The following MMP20 variants were observed in gnomAD, a reference collection of about 807,000 sequenced individuals.
MMP20 encodes the protein matrix metallopeptidase 20, also known as matrix metalloproteinase-20.
A neutral mutation model predicts 51.8 loss-of-function variants in MMP20; 50 were observed. The ratio of observed to expected loss-of-function variants is 0.97; its 90% CI spans 0.77 to 1.22. MMP20 has a LOEUF of 1.22. Among genes scored for constraint, MMP20 ranks in the 50% most tolerant of loss-of-function variants. The pLI is 0.00. For missense variants in MMP20, 663 were observed against 601.4 expected, an observed-to-expected ratio of 1.10 and a Z score of -1.07; for synonymous variants, 244 against 216.2, an observed-to-expected ratio of 1.13 and a Z score of -1.13.
intron 1 of MMP20, among the ~76,000 whole-genome samples, chr11:102,620,360 C>T (rs1329148803): frequency 6.6e-6 from 1 of 152,176 alleles, no homozygotes; most frequent in Non-Finnish European, 1.5e-5. Flanking sequence ...CTATCAGGCA[C>T]TTAGGTGTGT....
At chr11:102,596,047 G>A (rs985129079) in intron 6 of MMP20, among the ~76,000 whole-genome samples, 2 of 152,178 alleles carry the variant, frequency 1.3e-5, no homozygotes, top group African/African-American at 4.8e-5. Flanking sequence ...TGGACATCAA[G>A]GATGAAACAC....
intron 8 of MMP20, among the ~76,000 whole-genome samples, chr11:102,584,455 T>A (rs968030369): frequency 1.3e-5 from 2 of 152,198 alleles, no homozygotes; most frequent in African/African-American, 4.8e-5. Context: ...TCAGATCCTT[T>A]GCCCATATTT....
chr11:102,598,160 T>C (rs189128226), intron 6 of MMP20, among the ~76,000 whole-genome samples: 2 of 152,192 alleles, frequency 1.3e-5, no homozygotes, highest in Admixed American at 1.3e-4. Context: ...AACAGTAACA[T>C]ACTCAGACAA....
intron 8 of MMP20, among the ~76,000 whole-genome samples, chr11:102,591,813 G>A (rs1192002067): frequency 3.9e-5 from 6 of 152,162 alleles, no homozygotes; most frequent in African/African-American, 1.4e-4. Context: ...AAAACTTACA[G>A]AGAATTTTGA....
intron 8 of MMP20, among the ~76,000 whole-genome samples, chr11:102,590,514 G>A (rs893622297): frequency 1.3e-4 from 20 of 152,104 alleles, no homozygotes; most frequent in Non-Finnish European, 2.8e-4. Flanking sequence ...GAAGTTCCTC[G>A]GTCATTTCCT....
intron 4 of MMP20, among the ~76,000 whole-genome samples, 161 bp from the exon 5 acceptor site, chr11:102,609,259 G>A (rs1027282323): frequency 1.3e-5 from 2 of 152,160 alleles, no homozygotes; most frequent in African/African-American, 2.4e-5. Flanking sequence ...ACTTAGCTTT[G>A]GTGACTTTAA....
At chr11:102,618,155 A>G (rs938077310) in intron 1 of MMP20, among the ~76,000 whole-genome samples, 1 of 152,186 alleles carries the variant, frequency 6.6e-6, no homozygotes, top group African/African-American at 2.4e-5. Context: ...TACAAAAAAA[A>G]TGTCTGTTTT....
intron 6 of MMP20, among the ~76,000 whole-genome samples, chr11:102,601,109 C>T (rs1283417534): frequency 6.7e-6 from 1 of 148,890 alleles, no homozygotes; most frequent in African/African-American, 2.5e-5. Flanking sequence ...CAAATGACCA[C>T]GAAGTGTCGG....
chr11:102,585,107 AG>A (rs1182843440), intron 8 of MMP20, among the ~76,000 whole-genome samples: 1 of 152,082 alleles, frequency 6.6e-6, no homozygotes, highest in Non-Finnish European at 1.5e-5. Context: ...TAGGCCCGTG[AG>A]TTTCGAGTTT....
intron 1 of MMP20, among the ~76,000 whole-genome samples, chr11:102,622,510 C>T (rs532290914): frequency 1.1e-4 from 16 of 152,188 alleles, no homozygotes; most frequent in Admixed American, 2.0e-4. Flanking sequence ...TCATGCAGCT[C>T]AGGTTCATCT....
chr11:102,602,258 G>A (rs1352705904), intron 6 of MMP20, among the ~76,000 whole-genome samples: 27 of 146,308 alleles, frequency 1.8e-4, no homozygotes, highest in Middle Eastern at 3.6e-3. Flanking sequence ...TTGAGCCACC[G>A]CGCCCGGCCA....
intron 1 of MMP20, among the ~76,000 whole-genome samples, chr11:102,623,435 A>G (rs1859775859): frequency 6.6e-6 from 1 of 152,164 alleles, no homozygotes; most frequent in African/African-American, 2.4e-5. Context: ...TGCATGTGTG[A>G]GGGACCTAGG....
At chr11:102,614,049 A>T (rs1440518554) in intron 2 of MMP20, among the ~76,000 whole-genome samples, 2 of 152,244 alleles carry the variant, frequency 1.3e-5, no homozygotes, top group African/African-American at 2.4e-5. Context: ...TAGTAATACT[A>T]GCCAATATTC....
In MMP20 at chr11:102,611,688, T is replaced by C. The variant is rs1859601706; in HGVS notation, c.523+67A>G. 1.4e-5 allele frequency: 22 copies of C among 1,574,550 alleles called. No homozygotes were observed. In the South Asian group the frequency reaches 2.0e-4, roughly 14 times the overall value. On this transcript the variant is annotated intron_variant, in intron 3 of 9. Transcript: ENST00000260228. ...AGTGTGTGATCACTCGAATTAAAGA[T>C]GTAGAAGGAACAGTATTGGGACAAC...
intron 2 of MMP20, among the ~76,000 whole-genome samples, chr11:102,614,904 C>T (rs1328361046): frequency 6.6e-6 from 1 of 151,916 alleles, no homozygotes; most frequent in East Asian, 1.9e-4. Context: ...TCACTGAATG[C>T]CAGGTTGTGA....
In MMP20 at chr11:102,593,471, C is replaced by G. The variant is rs2135933668; in HGVS notation, c.1215G>C (p.Lys405Asn). The change falls in exon 8 of 10, where the codon AAG becomes AAC. Residue 405 changes from lysine to asparagine, a missense_variant. Coordinates refer to ENST00000260228, the MANE Select transcript of MMP20 (RefSeq NM_004771.4). ...DAAVYLREPQKTLFFVGDEYY... is the reference protein window; with the variant it reads ...DAAVYLREPQNTLFFVGDEYY... ...ATTCATCTCCCACAAAGAAAAGGGT[C>G]TTCTGTGGCTCCCTGAGGTAGACAG... 1 of 1,614,140 alleles carries G rather than the reference C, an allele frequency of 6.2e-7. No individual in the cohort carries two copies. The highest frequency in any genetic ancestry group is 2.2e-5 in the East Asian group (1 of 44,890).
At chr11:102,609,797 G>T in intron 4 of MMP20, 108 bp downstream of exon 4, 1 of 1,509,652 alleles carries the variant, frequency 6.6e-7, no homozygotes, top group Non-Finnish European at 9.2e-7. Context: ...TTCCTAGCCA[G>T]CCCCCCTAGT....
intron 3 of MMP20, among the ~76,000 whole-genome samples, chr11:102,611,254 A>G (rs997611496): frequency 2.0e-5 from 3 of 152,208 alleles, no homozygotes; most frequent in African/African-American, 7.2e-5. Context: ...GACCTCTTGC[A>G]TATCTCCCAG....
intron 8 of MMP20, among the ~76,000 whole-genome samples, chr11:102,584,727 ATTTTC>A (rs765887611): frequency 1.8e-4 from 27 of 152,166 alleles, no homozygotes; most frequent in Non-Finnish European, 3.1e-4. Flanking sequence ...TTTATCTTAC[ATTTTC>A]TTTTAAGAGT....
Sources: gnomAD v4.1 joint callset for allele counts (sites outside exome capture counted in the v4.1 genomes callset) on GRCh38, gnomAD v4.1.1 for gene constraint, MANE v1.5 for transcripts, NCBI Gene and HGNC (gene_info 2026-07-23, HGNC 2026-07-21) for gene names.